The following NLRP1 variants were observed in gnomAD, a reference collection of about 807,000 sequenced individuals.
NLRP1 encodes NLR family pyrin domain containing 1, also known as NACHT, LRR and PYD domains-containing protein 1.
Under a neutral mutation model 136.7 loss-of-function variants are expected in NLRP1, and 94 were observed. The observed-to-expected ratio is 0.69, with a 90% CI of 0.58 to 0.82. NLRP1 has a LOEUF of 0.82. NLRP1 is among the 40% of genes least tolerant of loss of function. The probability of loss-of-function intolerance (pLI) is 0.00; values close to 1 mark genes in which losing one functional copy is unlikely to be tolerated. For missense variants in NLRP1, 1,575 were observed against 1,802.7 expected, an observed-to-expected ratio of 0.87 and a Z score of 2.29; for synonymous variants, 690 against 725.1, an observed-to-expected ratio of 0.95 and a Z score of 0.78.
chr17:5,512,149 G>T (rs574383786), downstream of NLRP1: 95 of 914,202 alleles, frequency 1.0e-4, 1 homozygote, highest in South Asian at 1.2e-3. Flanking sequence ...ACCAACTGTG[G>T]CCATTCGATC....
chr17:5,534,041 T>C (rs1243141485), intron 8 of NLRP1, 53 bp from the exon 9 acceptor site: 1 of 1,235,240 alleles, frequency 8.1e-7, no homozygotes, highest in Non-Finnish European at 1.2e-6. Flanking sequence ...GCGAGGGCTG[T>C]CCACATGACA....
chr17:5,515,497 T>C lies in NLRP1; in HGVS notation c.4078A>G (p.Thr1360Ala), dbSNP rs747564908. The change falls in exon 16 of 17, where the codon ACT becomes GCT. Residue 1360 changes from threonine (T) to alanine (A), a missense_variant. Coordinates refer to ENST00000572272, the MANE Select transcript of NLRP1 (RefSeq NM_033004.4). ...VKPGDLMPAT[T>A]LIPPARIAVP... ...CCTATGCGGGCTGGAGGGATCAGAG[T>C]AGTTGCAGGCATGAGATCTCCTGGA... 8.1e-6 allele frequency: 13 copies of C among 1,613,528 alleles called. No homozygotes were observed. In the South Asian group the frequency reaches 1.4e-4, roughly 18 times the overall value.
At chr17:5,553,621 C>A in intron 4 of NLRP1, 65 bp from the exon 5 acceptor site, 1 of 1,456,022 alleles carries the variant, frequency 6.9e-7, no homozygotes, top group Non-Finnish European at 9.5e-7. Flanking sequence ...GGTGCCCAGC[C>A]CTGCACAACA....
intron 10 of NLRP1, 67 bp downstream of exon 10, chr17:5,533,237 C>A: frequency 6.5e-7 from 1 of 1,549,446 alleles, no homozygotes; most frequent in South Asian, 1.2e-5. Context: ...CCCAGCATGC[C>A]CAGGTGGGCA....
intron 4 of NLRP1, among the ~76,000 whole-genome samples, chr17:5,554,051 A>G (rs1255430312): frequency 6.6e-6 from 1 of 152,136 alleles, no homozygotes; most frequent in Non-Finnish European, 1.5e-5. Flanking sequence ...AGTGCCCAGG[A>G]AAGAAGACGG....
chr17:5,514,593 G>A lies in NLRP1; in HGVS notation c.*161C>T. ...GACTGGGGCCCCCTGTGGCATCCCT[G>A]GCATGGACACATAATGCCCAGCAAA... On this transcript the variant is annotated 3_prime_UTR_variant, in exon 17 of 17. Transcript: ENST00000572272. 4 of 1,452,726 alleles carry A rather than the reference G, an allele frequency of 2.8e-6. No individual in the cohort carries two copies. The highest frequency in any genetic ancestry group is 3.6e-6 in the Non-Finnish European group (4 of 1,105,268). The allele number at this position is 1,452,726 out of a possible 1,614,324, so 90.0% of individuals were successfully genotyped here.
rs1905911051 is a variant in NLRP1, at chr17:5,583,294, A to C, written c.271+393T>G. Among the ~76,000 whole-genome samples the C allele has an allele frequency of 6.6e-6, 1 of 152,162 alleles. No individual in the cohort carries two copies. Among genetic ancestry groups the C allele is most frequent in the Non-Finnish European group, 1.5e-5 (1 of 68,028 alleles). On this transcript the variant is annotated intron_variant, in intron 1 of 16. Transcript: ENST00000572272. This position sits in a 1 kb window ranked among gnomAD's most constrained non-coding sequence, Gnocchi z 4.5. The stretch of plus-strand genomic sequence containing the variant: ...CTGGATGATCTCTTTTAACCCTCAC[A>C]CAGCCCAGGGAGGCGGGCTCTCACT...
At chr17:5,518,141 T>C in intron 14 of NLRP1, 1 of 344,224 alleles carries the variant, frequency 2.9e-6, no homozygotes, top group Non-Finnish European at 5.3e-6. Context: ...CAGATCCTTC[T>C]TCCTTCACCT....
chr17:5,569,932 C>G (rs1294258433), intron 3 of NLRP1, among the ~76,000 whole-genome samples: 2 of 152,010 alleles, frequency 1.3e-5, no homozygotes, highest in African/African-American at 4.8e-5. Flanking sequence ...TGGACCACTG[C>G]ACAATTAAAA....
rs80292022 is a variant in NLRP1, at chr17:5,583,637, A to G, written c.271+50T>C. The G allele has an allele frequency of 3.7e-3, 5,654 of 1,523,698 alleles. 152 individuals are homozygous for G. The African/African-American group carries it at 0.063, about 17-fold the overall frequency. The allele number at this position is 1,523,698 out of a possible 1,614,324, so 94.4% of individuals were successfully genotyped here. A position where few individuals can be genotyped will look rare whatever the true frequency, so the allele number is the denominator to read the frequency against. On this transcript the variant is annotated intron_variant, in intron 1 of 16. Transcript: ENST00000572272. This position sits in a 1 kb window ranked among gnomAD's most constrained non-coding sequence, Gnocchi z 4.5. ...GGGGTCCCAAGAGGGCAGGGCAGGC[A>G]TGAGGGCCAGGGGATGTCCCGCGGG...
rs548536372 is a variant in NLRP1 at position 5,574,916 on chromosome 17, G to A, written c.652+6943C>T. Among the ~76,000 whole-genome samples, 310 of 151,932 alleles carry A rather than the reference G, an allele frequency of 2.0e-3. 1 individual carries two copies. Among genetic ancestry groups the A allele is most frequent in the African/African-American group, 7.3e-3 (301 of 41,442 alleles). On this transcript the variant is annotated intron_variant, in intron 3 of 16. Coordinates refer to ENST00000572272, the MANE Select transcript of NLRP1 (RefSeq NM_033004.4). ...CCTGACCTCATGGTCTGCCCATCTCGGCCTCCCAAAATGCTGGGATTACAG... is the reference window on the plus strand; with the variant it reads ...CCTGACCTCATGGTCTGCCCATCTCAGCCTCCCAAAATGCTGGGATTACAG...
In NLRP1 at chr17:5,558,891, G is replaced by A. The variant is rs201128344; in HGVS notation, c.1805C>T (p.Ser602Phe). The change falls in exon 4 of 17, where the codon TCC becomes TTC. Residue 602 changes from serine (S) to phenylalanine (F), a missense_variant. Coordinates refer to ENST00000572272, the MANE Select transcript of NLRP1 (RefSeq NM_033004.4). ...RKHGLDGAII[S>F]TFLKMGILQE... Reference sequence around the variant, plus strand: ...AAGAATACCCATCTTCAAGAAGGTGGAGATGATGGCCCCATCTAACCCATG... The same window carrying A: ...AAGAATACCCATCTTCAAGAAGGTGAAGATGATGGCCCCATCTAACCCATG... The A allele has an allele frequency of 2.5e-6, 4 of 1,614,010 alleles. No homozygotes were observed. Among genetic ancestry groups the A allele is most frequent in the South Asian group, 2.2e-5 (2 of 91,082 alleles).
rs575323136 is a variant in NLRP1, at chr17:5,556,574, G to A, written c.2357+1765C>T. ...AAAATGTACAATATGGTTCGATTTC[G>A]CCATAGACATGTGCACAGAAAAAAG... On this transcript the variant is annotated intron_variant, in intron 4 of 16. Coordinates refer to ENST00000572272, the MANE Select transcript of NLRP1 (RefSeq NM_033004.4). 3.5e-4 allele frequency among the ~76,000 whole-genome samples: 53 copies of A among 151,292 alleles called. 1 individual carries two copies. The highest frequency in any genetic ancestry group is 1.7e-3 in the East Asian group (9 of 5,166).
intron 12 of NLRP1, among the ~76,000 whole-genome samples, chr17:5,527,936 C>T (rs1266107665): frequency 6.6e-6 from 1 of 152,230 alleles, no homozygotes; most frequent in Non-Finnish European, 1.5e-5. Context: ...TCATCCACCT[C>T]TGAGAGTGGG....
intron 3 of NLRP1, among the ~76,000 whole-genome samples, chr17:5,565,709 T>A (rs1486918669): frequency 6.6e-6 from 1 of 152,214 alleles, no homozygotes; most frequent in Non-Finnish European, 1.5e-5. Context: ...AGTGTGGTAA[T>A]AGTCCTTCCT....
At chr17:5,581,779 C>A (rs1905674060) in intron 3 of NLRP1, 80 bp downstream of exon 3, 2 of 1,202,424 alleles carry the variant, frequency 1.7e-6, no homozygotes, top group Non-Finnish European at 1.2e-6. Flanking sequence ...AGCCTGCCAA[C>A]CTGGTCCCCA....
chr17:5,548,556 A>G (rs1346120006), intron 5 of NLRP1, among the ~76,000 whole-genome samples: 1 of 152,166 alleles, frequency 6.6e-6, no homozygotes, highest in Non-Finnish European at 1.5e-5. Flanking sequence ...CCTCTGCTTT[A>G]GTGCTTTCCT....
chr17:5,539,118 G>A lies in NLRP1; in HGVS notation c.2870+297C>T, dbSNP rs12150289. 0.047 allele frequency among the ~76,000 whole-genome samples: 7,196 copies of A among 152,132 alleles called. 197 individuals are homozygous for A. The highest frequency in any genetic ancestry group is 0.088 in the Middle Eastern group (26 of 294). Reference sequence around the variant, plus strand: ...ACTCCTGACCTCAAGTGATCCACCCGCCTCGGCCTCCCAAAGTGCTGGGAT... The same window carrying A: ...ACTCCTGACCTCAAGTGATCCACCCACCTCGGCCTCCCAAAGTGCTGGGAT... On this transcript the variant is annotated intron_variant, in intron 7 of 16. Coordinates refer to ENST00000572272, the MANE Select transcript of NLRP1 (RefSeq NM_033004.4).
Position 5,541,582 on chromosome 17 carries a change from G to C in NLRP1, c.2699+275C>G, listed in dbSNP as rs2151774560. On this transcript the variant is annotated intron_variant, in intron 6 of 16. Coordinates refer to ENST00000572272, the MANE Select transcript of NLRP1 (RefSeq NM_033004.4). This position sits in a 1 kb window ranked among gnomAD's most constrained non-coding sequence, Gnocchi z 4.2. Reference sequence around the variant, plus strand: ...ATCATCATCCTCTGTGGTAGTCTGTGAAAATGGCCACAAATTCTGCCCCCT... The same window carrying C: ...ATCATCATCCTCTGTGGTAGTCTGTCAAAATGGCCACAAATTCTGCCCCCT... Among the ~76,000 whole-genome samples the C allele has an allele frequency of 6.6e-6, 1 of 152,286 alleles. No individual in the cohort carries two copies. Among genetic ancestry groups the C allele is most frequent in the South Asian group, 2.1e-4 (1 of 4,824 alleles).
Sources: gnomAD v4.1 joint callset for allele counts (sites outside exome capture counted in the v4.1 genomes callset) on GRCh38, gnomAD v4.1.1 for gene constraint, Gnocchi (gnomAD v3.1) non-coding constraint, MANE v1.5 for transcripts, NCBI Gene and HGNC (gene_info 2026-07-23, HGNC 2026-07-21) for gene names.